The following ADCY8 variants were observed in gnomAD, a reference collection of about 807,000 sequenced individuals.
ADCY8 encodes adenylate cyclase type 8.
ADCY8 carries 51 observed loss-of-function variants against 119.7 expected under a neutral mutation model. The ratio of observed to expected loss-of-function variants is 0.43; its 90% CI spans 0.34 to 0.54. The LOEUF (loss-of-function observed/expected upper bound fraction) is 0.54, where lower values mean the gene tolerates loss of function less well. Among genes scored for constraint, ADCY8 ranks in the 20% least tolerant of loss-of-function variants. ADCY8 has a pLI of 0.03. For synonymous variants in ADCY8, 665 were observed against 651.0 expected (o/e 1.02, Z -0.33); for missense variants, 1,383 against 1,598.8 (o/e 0.87, Z 2.30).
Position 130,951,971 on chromosome 8 carries a change from G to C in ADCY8, c.1138C>G (p.Arg380Gly). The C allele has an allele frequency of 1.2e-6, 2 of 1,613,958 alleles. No individual in the cohort carries two copies. The highest frequency in any genetic ancestry group is 1.7e-6 in the Non-Finnish European group (2 of 1,179,958). The change falls in exon 3 of 18, where the codon CGG (arginine) becomes GGG (glycine). Residue 380 changes from arginine to glycine, a missense_variant. Arg to Gly is a moderately radical substitution (Grantham distance 125, BLOSUM62 -2). Around this residue, in one of 2 missense-constraint regions of ADCY8, gnomAD observed 928 missense variants for 1,163.5 expected, o/e 0.80. Coordinates refer to ENST00000286355, the MANE Select transcript of ADCY8 (RefSeq NM_001115.3). Reference sequence around the variant, plus strand: ...TTGATCATTTCCAGGACAACAAACCGGGGGAGCACAGAAAGCACGAGCCGC... The same window carrying C: ...TTGATCATTTCCAGGACAACAAACCCGGGGAGCACAGAAAGCACGAGCCGC... ...QERLVLSVLPRFVVLEMINDM... is the reference protein window; with the variant it reads ...QERLVLSVLPGFVVLEMINDM...
intron 9 of ADCY8, among the ~76,000 whole-genome samples, chr8:130,852,739 T>G (rs1167826335): frequency 6.6e-6 from 1 of 151,928 alleles, no homozygotes; most frequent in Admixed American, 6.6e-5. Flanking sequence ...CTTTTTTTTT[T>G]CCTCCCTCAC....
chr8:131,001,065 C>T (rs1358674924), intron 1 of ADCY8, among the ~76,000 whole-genome samples: 1 of 152,120 alleles, frequency 6.6e-6, no homozygotes, highest in Non-Finnish European at 1.5e-5. Flanking sequence ...TTATCCCTTC[C>T]CTCACAAAGG....
At chr8:131,013,299 A>G (rs866398434) in intron 1 of ADCY8, among the ~76,000 whole-genome samples, 1 of 152,154 alleles carries the variant, frequency 6.6e-6, no homozygotes, top group African/African-American at 2.4e-5. Flanking sequence ...GTGGACCAAG[A>G]AAAGACCCAG....
intron 2 of ADCY8, among the ~76,000 whole-genome samples, chr8:130,953,225 C>G (rs1305612596): frequency 6.6e-6 from 1 of 152,012 alleles, no homozygotes; most frequent in Admixed American, 6.6e-5. Context: ...GTGGAATTAT[C>G]TAGTTGAGGC....
At chr8:130,865,006 A>G (rs895720004) in intron 9 of ADCY8, among the ~76,000 whole-genome samples, 1 of 152,116 alleles carries the variant, frequency 6.6e-6, no homozygotes, top group African/African-American at 2.4e-5. Flanking sequence ...GAGTTAAGCT[A>G]TGGTTAAGGT....
chr8:130,876,857 A>T (rs1818586970), intron 8 of ADCY8, among the ~76,000 whole-genome samples: 1 of 152,170 alleles, frequency 6.6e-6, no homozygotes, highest in Non-Finnish European at 1.5e-5. Flanking sequence ...TGAATTTCAA[A>T]CTATATGAAA....
chr8:131,018,595 C>T (rs1251507989), intron 1 of ADCY8, among the ~76,000 whole-genome samples: 30 of 152,196 alleles, frequency 2.0e-4, no homozygotes, highest in Admixed American at 2.0e-3. Context: ...ACAGGTAACA[C>T]TTACAGGCTT....
At chr8:131,019,827 C>CTGTCTG (rs1361270424) in intron 1 of ADCY8, among the ~76,000 whole-genome samples, 4 of 121,620 alleles carry the variant, frequency 3.3e-5, no homozygotes, top group African/African-American at 6.8e-5. Context: ...CTCTCTCTCT[C>CTGTCTG]TCTCTCTCTC....
intron 1 of ADCY8, among the ~76,000 whole-genome samples, chr8:131,033,955 A>G (rs545469837): frequency 1.1e-3 from 172 of 152,238 alleles, no homozygotes; most frequent in Middle Eastern, 3.4e-3. Flanking sequence ...TTTCTCAGAC[A>G]TGCTGGAAAG....
chr8:130,856,026 T>C (rs1489544760), intron 9 of ADCY8, among the ~76,000 whole-genome samples: 1 of 152,048 alleles, frequency 6.6e-6, no homozygotes, highest in Non-Finnish European at 1.5e-5. Flanking sequence ...ACTTCACAAC[T>C]CCTATCCTTC....
chr8:130,981,065 C>T (rs138111695), intron 2 of ADCY8, among the ~76,000 whole-genome samples: 4 of 152,206 alleles, frequency 2.6e-5, no homozygotes, highest in East Asian at 1.9e-4. Flanking sequence ...AGCAAGCTTT[C>T]GTTTCTATGA....
rs545215410 is a variant in ADCY8, at chr8:130,908,518, A to T, written c.1640+1190T>A. ...GTGTCCCTGCACAGTGTACAAAAAA[A>T]AGCGCTTCATACCCATTGCCTGAGA... is the stretch of plus-strand genomic sequence containing the variant. On this transcript the variant is annotated intron_variant, in intron 6 of 17. Coordinates refer to ENST00000286355, the MANE Select transcript of ADCY8 (RefSeq NM_001115.3). 1.9e-3 allele frequency among the ~76,000 whole-genome samples: 293 copies of T among 151,288 alleles called. 1 individual carries two copies. The highest frequency in any genetic ancestry group is 6.8e-3 in the African/African-American group (282 of 41,242).
At chr8:130,941,247 G>T (rs113726476) in intron 4 of ADCY8, among the ~76,000 whole-genome samples, 1,815 of 152,262 alleles carry the variant, frequency 0.012, 39 homozygotes, top group African/African-American at 0.041. Flanking sequence ...TGGAAGCCTG[G>T]TCTTCCTGCC....
At chr8:131,029,594 A>G (rs1823933293) in intron 1 of ADCY8, among the ~76,000 whole-genome samples, 1 of 152,236 alleles carries the variant, frequency 6.6e-6, no homozygotes, top group Non-Finnish European at 1.5e-5. Flanking sequence ...TTGATAATCG[A>G]CAAATACCCA....
intron 7 of ADCY8, among the ~76,000 whole-genome samples, chr8:130,900,229 G>T (rs1466361500): frequency 3.3e-5 from 5 of 152,164 alleles, no homozygotes; most frequent in Non-Finnish European, 7.3e-5. Flanking sequence ...TAACCCAAAT[G>T]GATACAGATA....
chr8:130,840,296 G>A (rs1817100937), intron 11 of ADCY8, among the ~76,000 whole-genome samples: 1 of 137,728 alleles, frequency 7.3e-6, no homozygotes, highest in Admixed American at 7.5e-5. Context: ...TGAACTTACA[G>A]GTGTGGAAGA....
At chr8:130,967,062 G>GA (rs924240179) in intron 2 of ADCY8, among the ~76,000 whole-genome samples, 3 of 151,780 alleles carry the variant, frequency 2.0e-5, no homozygotes, top group African/African-American at 7.3e-5. Context: ...TTAATAATTT[G>GA]AAAAAAAATT....
chr8:130,935,765 G>C (rs72714475), intron 5 of ADCY8, among the ~76,000 whole-genome samples: 11,447 of 152,252 alleles, frequency 0.075, 485 homozygotes, highest in Non-Finnish European at 0.1. Flanking sequence ...TAGCTTCTGG[G>C]AGAATATGAC....
chr8:131,021,204 TAAAA>T (rs965877778), intron 1 of ADCY8, among the ~76,000 whole-genome samples: 1 of 152,096 alleles, frequency 6.6e-6, no homozygotes, highest in Admixed American at 6.6e-5. Context: ...TTCTATCACT[TAAAA>T]AAAATCTAGC....
Sources: allele counts gnomAD v4.1 joint callset (sites outside exome capture counted in the v4.1 genomes callset), GRCh38; gene constraint gnomAD v4.1.1; regional missense constraint gnomAD v4.1.1; transcripts MANE v1.5; gene names NCBI Gene and HGNC (gene_info 2026-07-23, HGNC 2026-07-21).